SHOC2: variants seen among roughly 807,000 people sequenced by gnomAD.
SHOC2 encodes the protein SHOC2 leucine rich repeat scaffold protein.
SHOC2 carries 4 observed loss-of-function variants against 50.2 expected under a neutral mutation model. That is an observed-to-expected ratio of 0.08 (90% CI 0.04 to 0.18). The LOEUF (loss-of-function observed/expected upper bound fraction) is 0.18. Ranked by LOEUF, SHOC2 falls within the 10% of genes least tolerant of loss-of-function variation. The pLI is 1.00. For synonymous variants in SHOC2, 218 were observed against 244.5 expected, an observed-to-expected ratio of 0.89 and a Z score of 1.01; for missense variants, 388 against 669.6, an observed-to-expected ratio of 0.58 and a Z score of 4.64.
In SHOC2 at chr10:111,009,319, G is replaced by T; in HGVS notation, c.1356G>T (p.Glu452Asp). 1 of 1,604,882 alleles carries T rather than the reference G, an allele frequency of 6.2e-7. No individual in the cohort carries two copies. Among genetic ancestry groups the T allele is most frequent in the Non-Finnish European group, 8.5e-7 (1 of 1,171,962 alleles). Reference sequence around the variant, plus strand: ...TTGGAAACCTTAGGAAGTTAAGAGAGTTGGATCTAGAAGAGAACAAATTGG... The same window carrying T: ...TTGGAAACCTTAGGAAGTTAAGAGATTTGGATCTAGAAGAGAACAAATTGG... Reference protein sequence around the residue: ...HGLGNLRKLRELDLEENKLES... With the variant: ...HGLGNLRKLRDLDLEENKLES... Residue 452 changes from glutamate (E) to aspartate (D), a missense_variant, in exon 7 of 9, where the codon GAG becomes GAT. Physicochemically the swap from Glu to Asp is conservative, Grantham distance 45. Around this residue, in one of 5 missense-constraint regions of SHOC2, gnomAD observed 130 missense variants for 208.6 expected, o/e 0.62. Coordinates refer to ENST00000369452, the MANE Select transcript of SHOC2 (RefSeq NM_007373.4).
At chr10:110,931,341 C>T (rs1352556599) in intron 1 of SHOC2, among the ~76,000 whole-genome samples, 2 of 152,240 alleles carry the variant, frequency 1.3e-5, no homozygotes, top group African/African-American at 2.4e-5. Flanking sequence ...TTTTCCATTT[C>T]TCTGTAAACA....
chr10:110,997,624 T>A (rs144445595), intron 3 of SHOC2, among the ~76,000 whole-genome samples: 125 of 152,282 alleles, frequency 8.2e-4, no homozygotes, highest in Middle Eastern at 3.4e-3. Context: ...TTGCAGAATA[T>A]AGACATACTA....
At chr10:110,996,551 G>T (rs1387001181) in intron 3 of SHOC2, among the ~76,000 whole-genome samples, 1 of 151,484 alleles carries the variant, frequency 6.6e-6, no homozygotes, top group Admixed American at 6.6e-5. Flanking sequence ...GAAATGATGA[G>T]GGTGGGATTG....
chr10:110,965,097 T>C, intron 2 of SHOC2, 36 bp downstream of exon 2: 1 of 1,573,008 alleles, frequency 6.4e-7, no homozygotes, highest in South Asian at 1.1e-5. Flanking sequence ...TTGTAGTATT[T>C]GTTATGCTAA....
Position 111,012,468 on chromosome 10 carries a change from A to G in SHOC2, c.*650A>G, listed in dbSNP as rs1363493914. 6.6e-6 allele frequency: 1 copy of G among 152,176 alleles called. No individual in the cohort carries two copies. The highest frequency in any genetic ancestry group is 1.5e-5 in the Non-Finnish European group (1 of 68,060). The allele number at this position is 152,176 out of a possible 1,614,324, so 9.4% of individuals were successfully genotyped here. ...ACTGGCAAAGTGAAAAGATACAGTC[A>G]AAAATCTAGAATTTCTTTAATTTTG... On this transcript the variant is annotated 3_prime_UTR_variant, in exon 9 of 9. Transcript: ENST00000369452.
chr10:110,932,484 T>C (rs2134077840), intron 1 of SHOC2, among the ~76,000 whole-genome samples: 1 of 152,100 alleles, frequency 6.6e-6, no homozygotes, highest in African/African-American at 2.4e-5. Context: ...GTAATGGCAG[T>C]GAGAATGAAG....
At chr10:111,001,311 C>A (rs1357864030) in intron 4 of SHOC2, among the ~76,000 whole-genome samples, 2 of 151,728 alleles carry the variant, frequency 1.3e-5, no homozygotes, top group Non-Finnish European at 2.9e-5. Context: ...GGCACTACCA[C>A]GCCCGGTTAA....
chr10:110,957,234 G>A (rs1368903552), intron 1 of SHOC2, among the ~76,000 whole-genome samples: 1 of 152,128 alleles, frequency 6.6e-6, no homozygotes, highest in Non-Finnish European at 1.5e-5. Context: ...TTAGAATAGT[G>A]CCCTGAATAT....
chr10:111,000,304 C>A, intron 3 of SHOC2, 111 bp from the exon 4 acceptor site: 1 of 1,048,656 alleles, frequency 9.5e-7, no homozygotes, highest in Non-Finnish European at 1.4e-6. Context: ...AAGGAACTTG[C>A]TGAAACAGTA....
rs1469857967 is a variant in SHOC2, at chr10:111,012,701, T to C, written c.*883T>C. 2 of 152,272 alleles carry C rather than the reference T, an allele frequency of 1.3e-5. No homozygotes were observed. Among genetic ancestry groups the C allele is most frequent in the Admixed American group, 6.5e-5 (1 of 15,280 alleles). The allele number at this position is 152,272 out of a possible 1,614,324, so 9.4% of individuals were successfully genotyped here. ...AAATTACATATAAACACACACAATC[T>C]ATATATGTATATACAATGCTATATA... On this transcript the variant is annotated 3_prime_UTR_variant, in exon 9 of 9. Coordinates refer to ENST00000369452, the MANE Select transcript of SHOC2 (RefSeq NM_007373.4).
rs1227080411 is a variant in SHOC2, at chr10:111,011,460, A to G, written c.1541-150A>G. 9 of 636,146 alleles carry G rather than the reference A, an allele frequency of 1.4e-5. No homozygotes were observed. The East Asian group carries it at 2.2e-4, about 16-fold the overall frequency. 39.4% of individuals were successfully genotyped at this position (636,146 alleles called of 1,614,324 possible). ...ATTTGAATATGCAGCAAAATTTGAG[A>G]TCCATGGTTGTAGAGTTTTAAAGCT... On this transcript the variant is annotated intron_variant, in intron 8 of 8. Coordinates refer to ENST00000369452, the MANE Select transcript of SHOC2 (RefSeq NM_007373.4).
At chr10:110,963,662 T>C (rs986083744) in intron 1 of SHOC2, among the ~76,000 whole-genome samples, 4 of 152,188 alleles carry the variant, frequency 2.6e-5, no homozygotes, top group Non-Finnish European at 5.9e-5. Flanking sequence ...ATTTGGAATA[T>C]TGGCTCCATC....
intron 1 of SHOC2, among the ~76,000 whole-genome samples, chr10:110,961,966 A>G (rs1319920517): frequency 1.3e-5 from 2 of 152,078 alleles, no homozygotes; most frequent in African/African-American, 2.4e-5. Context: ...TTATTTTTAT[A>G]AAATACCTAG....
intron 1 of SHOC2, among the ~76,000 whole-genome samples, chr10:110,933,670 G>A (rs1264423406): frequency 2.0e-4 from 31 of 152,154 alleles, no homozygotes; most frequent in Non-Finnish European, 2.9e-5. Context: ...GCAGTGGCAT[G>A]CACCTGTAGT....
chr10:110,962,074 G>A (rs919289103), intron 1 of SHOC2, among the ~76,000 whole-genome samples: 6 of 151,620 alleles, frequency 4.0e-5, no homozygotes, highest in African/African-American at 7.3e-5. Flanking sequence ...TTCTTTTTTC[G>A]TTTTTATCAT....
In SHOC2 at chr10:111,011,810, A is replaced by G. The variant is rs1470655019; in HGVS notation, c.1741A>G (p.Met581Val). ...FLKMQGPYRA[M>V]V ...AAAGATGCAGGGTCCATATCGTGCC[A>G]TGGTCTGATATAAATCTGCTGGTCC... The change falls in exon 9 of 9, where the codon ATG becomes GTG. Residue 581 changes from methionine to valine, a missense_variant. Met to Val is a conservative substitution (Grantham distance 21). Coordinates refer to ENST00000369452, the MANE Select transcript of SHOC2 (RefSeq NM_007373.4). The G allele has an allele frequency of 3.1e-6, 5 of 1,612,938 alleles. No homozygotes were observed. The highest frequency in any genetic ancestry group is 1.3e-5 in the African/African-American group (1 of 74,992).
intron 2 of SHOC2, among the ~76,000 whole-genome samples, chr10:110,982,381 T>C (rs1402354393): frequency 6.6e-6 from 1 of 151,694 alleles, no homozygotes; most frequent in Non-Finnish European, 1.5e-5. Context: ...AGTAACGGGA[T>C]GGCTGGGTCA....
chr10:110,941,991 G>A (rs955489473), intron 1 of SHOC2, among the ~76,000 whole-genome samples: 4 of 151,928 alleles, frequency 2.6e-5, no homozygotes, highest in African/African-American at 9.7e-5. Context: ...TTTTGTTTTT[G>A]TTTTAGCTTA....
intron 1 of SHOC2, among the ~76,000 whole-genome samples, chr10:110,930,735 C>CTTTTTTTTTTTTTTTTTTTTT (rs772553111): frequency 1.0e-4 from 10 of 96,794 alleles, no homozygotes; most frequent in East Asian, 3.8e-4. Context: ...ACGAGTAAAT[C>CTTTTTTTTTTTTTTTTTTTTT]TTTTTTTTTT....
Sources: gnomAD v4.1 joint callset for allele counts (sites outside exome capture counted in the v4.1 genomes callset) on GRCh38, gnomAD v4.1.1 for gene constraint, gnomAD v4.1.1 regional missense constraint, MANE v1.5 for transcripts, NCBI Gene and HGNC (gene_info 2026-07-23, HGNC 2026-07-21) for gene names.